Variants in LYPLAL1 observed in about 807,000 individuals in gnomAD.
The protein encoded by LYPLAL1 is lysophospholipase-like protein 1.
A neutral mutation model predicts 19.7 loss-of-function variants in LYPLAL1; 23 were observed. The ratio of observed to expected loss-of-function variants is 1.17; its 90% CI spans 0.84 to 1.65. LYPLAL1 has a LOEUF of 1.65. Among genes scored for constraint, LYPLAL1 ranks in the 40% most tolerant of loss-of-function variants. The pLI is 0.00. For synonymous variants in LYPLAL1, 119 were observed against 96.3 expected (o/e 1.24, Z -1.38); for missense variants, 355 against 279.4 (o/e 1.27, Z -1.93).
the LYPLAL1 span, among the ~76,000 whole-genome samples, chr1:219,251,703 G>T: frequency 6.6e-6 from 1 of 151,738 alleles, no homozygotes; most frequent in Non-Finnish European, 1.5e-5. Context: ...GTTGGAAGTT[G>T]CATAATGTGA....
chr1:219,377,790 A>G, the LYPLAL1 span, among the ~76,000 whole-genome samples: 1 of 152,202 alleles, frequency 6.6e-6, no homozygotes, highest in South Asian at 2.1e-4. Context: ...CTTGTTCTCT[A>G]TCACAAATTC....
At chr1:219,190,628 A>AAG (rs1657092449) in intron 2 of LYPLAL1, among the ~76,000 whole-genome samples, 1 of 149,894 alleles carries the variant, frequency 6.7e-6, no homozygotes, top group South Asian at 2.1e-4. Context: ...CCAGTAAAAA[A>AAG]AAAAAAAAAA....
At chr1:219,238,508 A>C in the LYPLAL1 span, among the ~76,000 whole-genome samples, 1 of 151,704 alleles carries the variant, frequency 6.6e-6, no homozygotes, top group Non-Finnish European at 1.5e-5. Context: ...TCAGAGTACT[A>C]TTTTATTTGC....
intron 1 of LYPLAL1, among the ~76,000 whole-genome samples, chr1:219,175,797 A>AT (rs1655763178): frequency 6.6e-6 from 1 of 152,128 alleles, no homozygotes; most frequent in Non-Finnish European, 1.5e-5. Context: ...GCAGCTAGTG[A>AT]TTTTACATTC....
At chr1:219,311,275 G>T in the LYPLAL1 span, among the ~76,000 whole-genome samples, 3 of 152,026 alleles carry the variant, frequency 2.0e-5, no homozygotes, top group Admixed American at 1.3e-4. Flanking sequence ...ATTGTGAGAT[G>T]CAGCAATATC....
chr1:219,358,470 C>T, the LYPLAL1 span, among the ~76,000 whole-genome samples: 7 of 152,112 alleles, frequency 4.6e-5, no homozygotes, highest in South Asian at 2.1e-4. Flanking sequence ...AAGAACTGCC[C>T]GAGACTGGGT....
chr1:219,326,919 G>A, the LYPLAL1 span, among the ~76,000 whole-genome samples: 6 of 152,112 alleles, frequency 3.9e-5, no homozygotes, highest in Non-Finnish European at 8.8e-5. Flanking sequence ...CTGAGAAGTC[G>A]CCAGCAAAGA....
At chr1:219,276,132 G>C in the LYPLAL1 span, among the ~76,000 whole-genome samples, 1 of 152,036 alleles carries the variant, frequency 6.6e-6, no homozygotes, top group Non-Finnish European at 1.5e-5. Context: ...AAATCAATTT[G>C]CCTCTCACTC....
chr1:219,205,466 G>A (rs1658499998), intron 3 of LYPLAL1, among the ~76,000 whole-genome samples: 1 of 151,566 alleles, frequency 6.6e-6, no homozygotes, highest in Admixed American at 6.6e-5. Context: ...TTTCAAATTA[G>A]TATTACATGA....
chr1:219,186,169 G>A (rs1656705229), intron 2 of LYPLAL1, among the ~76,000 whole-genome samples: 1 of 151,686 alleles, frequency 6.6e-6, no homozygotes, highest in African/African-American at 2.4e-5. Flanking sequence ...TCTTATTACT[G>A]TTGATATCTA....
chr1:219,187,564 T>C (rs1276313976), intron 2 of LYPLAL1, among the ~76,000 whole-genome samples: 1 of 151,746 alleles, frequency 6.6e-6, no homozygotes, highest in Non-Finnish European at 1.5e-5. Flanking sequence ...CCATTTATGA[T>C]TTATATGATA....
At chr1:219,314,348 G>T in the LYPLAL1 span, among the ~76,000 whole-genome samples, 2 of 152,236 alleles carry the variant, frequency 1.3e-5, no homozygotes, top group Non-Finnish European at 2.9e-5. Flanking sequence ...CCAATAATGG[G>T]ATTGCTGTAT....
chr1:219,264,466 C>G, the LYPLAL1 span, among the ~76,000 whole-genome samples: 1 of 152,272 alleles, frequency 6.6e-6, no homozygotes, highest in South Asian at 2.1e-4. Flanking sequence ...TGTTTACCAA[C>G]TTGGGCAAAA....
chr1:219,256,067 A>G, the LYPLAL1 span, among the ~76,000 whole-genome samples: 1 of 151,730 alleles, frequency 6.6e-6, no homozygotes, highest in East Asian at 1.9e-4. Flanking sequence ...TTTTCTATCA[A>G]AGTTTAACTG....
At chr1:219,248,412 C>T in the LYPLAL1 span, among the ~76,000 whole-genome samples, 2 of 152,076 alleles carry the variant, frequency 1.3e-5, no homozygotes, top group Admixed American at 6.6e-5. Flanking sequence ...AGATGCTGAC[C>T]TAAGTGCCTT....
the LYPLAL1 span, among the ~76,000 whole-genome samples, chr1:219,408,616 C>CT: frequency 1.3e-5 from 2 of 151,706 alleles, no homozygotes; most frequent in South Asian, 4.2e-4. Context: ...CTGGCAGGGG[C>CT]TGGGGGGGTG....
chr1:219,367,860 A>G, the LYPLAL1 span, among the ~76,000 whole-genome samples: 373 of 152,070 alleles, frequency 2.5e-3, 2 homozygotes, highest in African/African-American at 7.6e-3. Flanking sequence ...TTGTCTGCAA[A>G]GGGGGCCATC....
intron 3 of LYPLAL1, chr1:219,198,534 T>C (rs1657803945): frequency 6.6e-6 from 1 of 152,120 alleles, no homozygotes; most frequent in African/African-American, 2.4e-5. Flanking sequence ...TATTAAACAT[T>C]TATGAAAATA....
At chr1:219,350,934 G>A in the LYPLAL1 span, among the ~76,000 whole-genome samples, 1 of 152,116 alleles carries the variant, frequency 6.6e-6, no homozygotes, top group Non-Finnish European at 1.5e-5. Flanking sequence ...TTCTGCAAGA[G>A]GGTGAGGAGC....
Sources: gnomAD v4.1 joint callset for allele counts (sites outside exome capture counted in the v4.1 genomes callset) on GRCh38, gnomAD v4.1.1 for gene constraint, MANE v1.5 for transcripts, NCBI Gene and HGNC (gene_info 2026-07-23, HGNC 2026-07-21) for gene names.